The following SEC23IP variants were observed in gnomAD, a reference collection of about 807,000 sequenced individuals.
The protein encoded by SEC23IP is SEC23 interacting protein.
In SEC23IP, 70 loss-of-function variants were observed where a neutral mutation model predicts 113.4. The ratio of observed to expected loss-of-function variants is 0.62; its 90% CI spans 0.51 to 0.75. The LOEUF is 0.75. Among genes scored for constraint, SEC23IP ranks in the 30% least tolerant of loss-of-function variants. The pLI, the probability that SEC23IP is intolerant of heterozygous loss-of-function variation, is 0.00. For synonymous variants in SEC23IP, 398 were observed against 421.0 expected, an observed-to-expected ratio of 0.95 and a Z score of 0.67; for missense variants, 1,160 against 1,204.9, an observed-to-expected ratio of 0.96 and a Z score of 0.55.
chr10:119,926,143 T>C lies in SEC23IP; in HGVS notation c.2229T>C (p.Asn743=). 1 of 1,614,120 alleles carries C rather than the reference T, an allele frequency of 6.2e-7. No homozygotes were observed. The highest frequency in any genetic ancestry group is 8.5e-7 in the Non-Finnish European group (1 of 1,180,004). ...KDMASLPSES[N]EPKRKLPVGA... is the part of the protein sequence containing the mutation. ...TGGCTTCCCTCCCCTCAGAATCCAA[T>C]GAGCCAAAGAGGAAACTTCCAGTTG... Residue 743 remains asparagine (N), a synonymous_variant, in exon 13 of 19, where the codon AAT becomes AAC. Coordinates refer to ENST00000369075, the MANE Select transcript of SEC23IP (RefSeq NM_007190.4).
At chr10:119,928,445 CTT>C (rs911532559) in intron 13 of SEC23IP, among the ~76,000 whole-genome samples, 5 of 152,272 alleles carry the variant, frequency 3.3e-5, no homozygotes, top group African/African-American at 1.2e-4. Context: ...GAAGTCTAGA[CTT>C]TGTTAGAAGG....
chr10:119,931,267 G>A (rs1266151454), intron 15 of SEC23IP, among the ~76,000 whole-genome samples: 1 of 106,572 alleles, frequency 9.4e-6, no homozygotes, highest in Non-Finnish European at 1.8e-5. Flanking sequence ...GAGAGACTCC[G>A]TCTCAAAAAA....
At chr10:119,919,121 G>A (rs771467034) in intron 10 of SEC23IP, among the ~76,000 whole-genome samples, 2 of 151,372 alleles carry the variant, frequency 1.3e-5, no homozygotes, top group Non-Finnish European at 2.9e-5. Context: ...AGCCTCCCGA[G>A]TAGTTGGGAT....
chr10:119,905,719 G>C (rs1293354638), intron 4 of SEC23IP, among the ~76,000 whole-genome samples: 1 of 152,156 alleles, frequency 6.6e-6, no homozygotes, highest in Non-Finnish European at 1.5e-5. Flanking sequence ...TATTGTCTAC[G>C]TGGAAAATCA....
Position 119,933,778 on chromosome 10 carries a change from G to T in SEC23IP, c.*11G>T. ...CAGCCCCAGCATTGATCAAACTTCA[G>T]TTTTACTGTGTGAGTTTATCCTTAT... On this transcript the variant is annotated 3_prime_UTR_variant, in exon 18 of 19. Transcript: ENST00000369075. 4 of 1,442,164 alleles carry T rather than the reference G, an allele frequency of 2.8e-6. No homozygotes were observed. Among genetic ancestry groups the T allele is most frequent in the Non-Finnish European group, 2.9e-6 (3 of 1,025,492 alleles). 89.3% of individuals were successfully genotyped at this position (1,442,164 alleles called of 1,614,324 possible).
Position 119,898,571 on chromosome 10 carries a change from C to T in SEC23IP, c.308C>T (p.Thr103Ile), listed in dbSNP as rs1854363638. The change falls in exon 2 of 19, where the codon ACT becomes ATT. Residue 103 changes from threonine (T) to isoleucine (I), a missense_variant. Transcript: ENST00000369075. Reference protein sequence around the residue: ...FGNIGQSPLTTAATSVGQSGF... With the variant: ...FGNIGQSPLTIAATSVGQSGF... ...AATATTGGACAGTCACCATTAACAACTGCAGCAACCTCAGTTGGACAATCA... is the reference window on the plus strand; with the variant it reads ...AATATTGGACAGTCACCATTAACAATTGCAGCAACCTCAGTTGGACAATCA... 6.2e-7 allele frequency: 1 copy of T among 1,614,216 alleles called. No homozygotes were observed. Among genetic ancestry groups the T allele is most frequent in the South Asian group, 1.1e-5 (1 of 91,084 alleles).
intron 2 of SEC23IP, among the ~76,000 whole-genome samples, chr10:119,899,918 C>A (rs1439129098): frequency 6.6e-6 from 1 of 152,138 alleles, no homozygotes; most frequent in Non-Finnish European, 1.5e-5. Flanking sequence ...AACATTTCAT[C>A]CCGTTTGTTT....
chr10:119,910,257 T>C (rs577125431), intron 5 of SEC23IP, among the ~76,000 whole-genome samples: 86 of 152,358 alleles, frequency 5.6e-4, no homozygotes, highest in African/African-American at 2.0e-3. Flanking sequence ...GTGTCCTTTT[T>C]CTTTTTATTT....
At chr10:119,937,061 G>C (rs1002911165) in intron 18 of SEC23IP, among the ~76,000 whole-genome samples, 1 of 151,236 alleles carries the variant, frequency 6.6e-6, no homozygotes, top group African/African-American at 2.4e-5. Flanking sequence ...CTAATTTTTT[G>C]TATTTTTAGT....
At position 119,914,616 on chromosome 10, in the gene SEC23IP, C is replaced by CA. The variant is rs372829771; in HGVS notation, c.1313-113dup. On this transcript the variant is annotated intron_variant, in intron 6 of 18. Transcript: ENST00000369075. ...ATGAGGCTTATTCTCTTTGAAGGGT[C>CA]ATGAATTTCTTTGGCAAGTTTGTGA... The CA allele has an allele frequency of 4.0e-4, 325 of 809,890 alleles. No individual in the cohort carries two copies. The African/African-American group carries it at 4.5e-3, about 11-fold the overall frequency. 50.2% of individuals were successfully genotyped at this position (809,890 alleles called of 1,614,324 possible).
chr10:119,932,362 A>G (rs1855633571), intron 16 of SEC23IP, 44 bp downstream of exon 16: 1 of 1,417,406 alleles, frequency 7.1e-7, no homozygotes. Flanking sequence ...AATGTTTCAT[A>G]TGAACATAAT....
chr10:119,917,123 C>T (rs1351202277), intron 8 of SEC23IP, among the ~76,000 whole-genome samples: 1 of 152,182 alleles, frequency 6.6e-6, no homozygotes, highest in Non-Finnish European at 1.5e-5. Flanking sequence ...CCTGCCCTAG[C>T]CTCTCAAAGT....
At chr10:119,915,360 T>C (rs1044938561) in intron 7 of SEC23IP, among the ~76,000 whole-genome samples, 1 of 150,050 alleles carries the variant, frequency 6.7e-6, no homozygotes, top group African/African-American at 2.5e-5. Flanking sequence ...CCTGGGATAG[T>C]GGGGGTTGGG....
intron 12 of SEC23IP, among the ~76,000 whole-genome samples, chr10:119,925,096 A>T (rs1855376786): frequency 6.6e-6 from 1 of 152,192 alleles, no homozygotes; most frequent in Admixed American, 6.5e-5. Flanking sequence ...TTCAGTGTGC[A>T]GTAGGGTGAG....
intron 1 of SEC23IP, among the ~76,000 whole-genome samples, chr10:119,895,549 A>G (rs181643123): frequency 5.0e-4 from 76 of 152,278 alleles, no homozygotes; most frequent in African/African-American, 1.8e-3. Context: ...AACAGTTAGA[A>G]AGAGGGATTG....
Position 119,944,574 on chromosome 10 carries a change from A to G in SEC23IP, c.*4009A>G, listed in dbSNP as rs1346520753. ...ACATCACAACTGGGGCGACTGAAGA[A>G]ATTATGTTGTTAAGCACGAAATGCA... is the stretch of plus-strand genomic sequence containing the variant. On this transcript the variant is annotated 3_prime_UTR_variant, in exon 19 of 19. Coordinates refer to ENST00000369075, the MANE Select transcript of SEC23IP (RefSeq NM_007190.4). The G allele has an allele frequency of 6.6e-6, 1 of 152,236 alleles. No individual in the cohort carries two copies. The highest frequency in any genetic ancestry group is 1.5e-5 in the Non-Finnish European group (1 of 68,048). 9.4% of individuals were successfully genotyped at this position (152,236 alleles called of 1,614,324 possible).
At chr10:119,912,718 A>G (rs1854907661) in intron 6 of SEC23IP, among the ~76,000 whole-genome samples, 1 of 146,402 alleles carries the variant, frequency 6.8e-6, no homozygotes, top group Non-Finnish European at 1.5e-5. Flanking sequence ...TCAGCTCATT[A>G]CAACCTCCGC....
intron 4 of SEC23IP, 56 bp from the exon 5 acceptor site, chr10:119,908,985 T>C: frequency 8.6e-7 from 1 of 1,158,430 alleles, no homozygotes. Flanking sequence ...CCATACTTTC[T>C]CTCCATGTGG....
chr10:119,907,515 T>G (rs1175145447), intron 4 of SEC23IP, among the ~76,000 whole-genome samples: 1 of 152,212 alleles, frequency 6.6e-6, no homozygotes, highest in Non-Finnish European at 1.5e-5. Flanking sequence ...CCCTCTTACT[T>G]TGTGTTGAAT....
Sources: allele counts gnomAD v4.1 joint callset (sites outside exome capture counted in the v4.1 genomes callset), GRCh38; gene constraint gnomAD v4.1.1; transcripts MANE v1.5; gene names NCBI Gene and HGNC (gene_info 2026-07-23, HGNC 2026-07-21).